FAM228B: variants seen among roughly 807,000 people sequenced by gnomAD.
FAM228B encodes the protein protein FAM228B.
In FAM228B, 38 loss-of-function variants were observed where a neutral mutation model predicts 42.6. The observed-to-expected ratio is 0.89, with a 90% CI of 0.69 to 1.17. The LOEUF (loss-of-function observed/expected upper bound fraction) is 1.17. FAM228B is among the 50% of genes most tolerant of loss of function. The probability of loss-of-function intolerance (pLI) is 0.00; values close to 1 mark genes in which losing one functional copy is unlikely to be tolerated. For synonymous variants in FAM228B, 109 were observed against 122.3 expected (o/e 0.89, Z 0.72); for missense variants, 344 against 367.3 (o/e 0.94, Z 0.52).
chr2:24,126,032 A>G (rs984655776), intron 2 of FAM228B, among the ~76,000 whole-genome samples: 6 of 152,272 alleles, frequency 3.9e-5, no homozygotes, highest in Admixed American at 2.6e-4. Context: ...GTTGAATGCT[A>G]TTCCCTTATC....
chr2:24,110,781 T>C (rs1182929269), intron 3 of FAM228B, among the ~76,000 whole-genome samples: 1 of 152,170 alleles, frequency 6.6e-6, no homozygotes, highest in East Asian at 1.9e-4. Flanking sequence ...CCCAAATCTG[T>C]AGCCAGGTCA....
In FAM228B at chr2:24,156,774, G is replaced by GCC. The variant is rs370569150; in HGVS notation, c.687-4720_687-4719dup. Among the ~76,000 whole-genome samples, 24 of 11,360 alleles carry GCC rather than the reference G, an allele frequency of 2.1e-3. No individual in the cohort carries two copies. In the East Asian group the frequency reaches 0.044, roughly 21 times the overall value. The allele number at this position is 11,360 out of a possible 152,430, so 7.5% of individuals were successfully genotyped here. On this transcript the variant is annotated intron_variant, in intron 7 of 10. Transcript: ENST00000615575. ...CAGACACTGTTATACATTTCTTTCC[G>GCC]CCCCCCCCCCCCCAGCTTTTTGTTT...
At chr2:24,149,103 A>ATTTTCTT (rs1422721476) in intron 7 of FAM228B, among the ~76,000 whole-genome samples, 1 of 152,166 alleles carries the variant, frequency 6.6e-6, no homozygotes, top group Non-Finnish European at 1.5e-5. Flanking sequence ...GTGTAAGTGC[A>ATTTTCTT]TTTTCTTTAT....
At chr2:24,106,468 C>T (rs1014399373) in intron 3 of FAM228B, among the ~76,000 whole-genome samples, 4 of 151,568 alleles carry the variant, frequency 2.6e-5, no homozygotes, top group Non-Finnish European at 2.9e-5. Context: ...TACAGGCACC[C>T]GCCACTATGA....
Position 24,082,452 on chromosome 2 carries a change from C to A in FAM228B, c.-210+1497C>A, listed in dbSNP as rs559047525. 3.6e-3 allele frequency among the ~76,000 whole-genome samples: 547 copies of A among 152,344 alleles called. 5 individuals carry two copies. Among genetic ancestry groups the A allele is most frequent in the African/African-American group, 0.013 (530 of 41,574 alleles). Reference sequence around the variant, plus strand: ...CTTCTAAACTCTATGGTCATCTGATCTTATGCATATGTTGCCTTCTCAGTT... The same window carrying A: ...CTTCTAAACTCTATGGTCATCTGATATTATGCATATGTTGCCTTCTCAGTT... On this transcript the variant is annotated intron_variant, in intron 2 of 10. Coordinates refer to the FAM228B transcript ENST00000613899.
chr2:24,135,336 A>T (rs1330675929), intron 3 of FAM228B, 149 bp downstream of exon 3: 4 of 544,224 alleles, frequency 7.3e-6, no homozygotes, highest in East Asian at 3.3e-5. Flanking sequence ...ACCTTAAGGG[A>T]TCTCTGAAAT....
chr2:24,120,549 G>GA (rs1558378709), upstream of FAM228B, among the ~76,000 whole-genome samples: 1 of 149,888 alleles, frequency 6.7e-6, no homozygotes, highest in Non-Finnish European at 1.5e-5. Context: ...ACAGAGAGCT[G>GA]ATTTTTTTTA....
At chr2:24,137,054 T>C (rs555224758) in intron 3 of FAM228B, among the ~76,000 whole-genome samples, 1 of 152,368 alleles carries the variant, frequency 6.6e-6, no homozygotes, top group African/African-American at 2.4e-5. Context: ...TTATTTCACT[T>C]TGGCATACTC....
Position 24,146,814 on chromosome 2 carries a change from A to G in FAM228B, c.508A>G (p.Thr170Ala), listed in dbSNP as rs1666905486. The G allele has an allele frequency of 6.5e-7, 1 of 1,548,912 alleles. No individual in the cohort carries two copies. The highest frequency in any genetic ancestry group is 8.7e-7 in the Non-Finnish European group (1 of 1,144,866). ...AQYDKDNEKR[T>A]LLQCETGKIY... ...ATATGACAAGGATAACGAAAAAAGAACTCTTCTTCAGTGTGAGACTGGTAC... is the reference window on the plus strand; with the variant it reads ...ATATGACAAGGATAACGAAAAAAGAGCTCTTCTTCAGTGTGAGACTGGTAC... The change falls in exon 6 of 11, where the codon ACT becomes GCT. Residue 170 changes from threonine (T) to alanine (A), a missense_variant. Transcript: ENST00000615575.
chr2:24,145,466 A>G (rs1334492224), intron 5 of FAM228B, among the ~76,000 whole-genome samples: 1 of 152,186 alleles, frequency 6.6e-6, no homozygotes, highest in African/African-American at 2.4e-5. Flanking sequence ...ACACGTCTCC[A>G]GGAAAAAGTC....
rs769883363 is a variant in FAM228B at position 24,165,818 on chromosome 2, G to A, written c.932+1483G>A. On this transcript the variant is annotated intron_variant, in intron 9 of 10. Transcript: ENST00000615575. ...GCACTTTGGGAGGCCGAGGTGGGCA[G>A]ATCACCTGAGGCTGGGAGTTTGAGA... 4.2e-4 allele frequency: 84 copies of A among 199,960 alleles called. 1 individual carries two copies. Among genetic ancestry groups the A allele is most frequent in the Admixed American group, 3.1e-4 (6 of 19,326 alleles). 12.4% of individuals were successfully genotyped at this position (199,960 alleles called of 1,614,324 possible). A position where few individuals can be genotyped will look rare whatever the true frequency, so the allele number is the denominator to read the frequency against.
intron 7 of FAM228B, among the ~76,000 whole-genome samples, chr2:24,150,376 C>G (rs1344840261): frequency 6.6e-6 from 1 of 151,772 alleles, no homozygotes; most frequent in Non-Finnish European, 1.5e-5. Flanking sequence ...CTGGATAATA[C>G]TATTCTAGGG....
intron 7 of FAM228B, among the ~76,000 whole-genome samples, chr2:24,156,266 CT>C (rs1243570294): frequency 6.6e-6 from 1 of 152,170 alleles, no homozygotes; most frequent in Non-Finnish European, 1.5e-5. Flanking sequence ...CAGGGTTCTT[CT>C]TTATTGCTCA....
At chr2:24,138,619 GCTA>G (rs1292600647) in intron 4 of FAM228B, among the ~76,000 whole-genome samples, 2 of 151,648 alleles carry the variant, frequency 1.3e-5, no homozygotes, top group East Asian at 3.9e-4. Flanking sequence ...ACAGGTGTGA[GCTA>G]CTGTGCCCAG....
chr2:24,083,248 CA>C, intron 2 of FAM228B: 1 of 1,362,744 alleles, frequency 7.3e-7, no homozygotes, highest in Non-Finnish European at 9.9e-7. Context: ...TTTTTTTTTT[CA>C]AAAATAAATT....
Position 24,095,814 on chromosome 2 carries a change from C to T in FAM228B, c.-121+585C>T, listed in dbSNP as rs1665486191. ...GACAGACTGCCTCCTTAAGTGGGTC[C>T]CTCACCCCCATGTAGCCTAACTAGG... On this transcript the variant is annotated intron_variant, in intron 3 of 10. Coordinates refer to the FAM228B transcript ENST00000613899. This position sits in a 1 kb window ranked among gnomAD's most constrained non-coding sequence, Gnocchi z 4.8. 1 of 152,306 alleles carries T rather than the reference C, an allele frequency of 6.6e-6. No homozygotes were observed. Among genetic ancestry groups the T allele is most frequent in the Non-Finnish European group, 1.5e-5 (1 of 68,120 alleles). The allele number at this position is 152,306 out of a possible 1,614,324, so 9.4% of individuals were successfully genotyped here.
Position 24,095,353 on chromosome 2 carries a change from A to G in FAM228B, c.-121+124A>G, listed in dbSNP as rs1665476003. ...AGGGGTCAGGGGATTTCCCTTTCCT[A>G]GCCAAGGGAAGCCGTGACAGACTAC... On this transcript the variant is annotated intron_variant, in intron 3 of 10. Transcript: ENST00000613899. The surrounding 1 kb of genome is among the most constrained non-coding windows in gnomAD (Gnocchi z 4.8). 6.6e-6 allele frequency: 1 copy of G among 152,206 alleles called. No homozygotes were observed. Among genetic ancestry groups the G allele is most frequent in the Non-Finnish European group, 1.5e-5 (1 of 68,058 alleles). The allele number at this position is 152,206 out of a possible 1,614,324, so 9.4% of individuals were successfully genotyped here.
In FAM228B at chr2:24,095,820, C is replaced by T. The variant is rs1452796262; in HGVS notation, c.-121+591C>T. On this transcript the variant is annotated intron_variant, in intron 3 of 10. Transcript: ENST00000613899. The surrounding 1 kb of genome is among the most constrained non-coding windows in gnomAD (Gnocchi z 4.8). ...CTGCCTCCTTAAGTGGGTCCCTCAC[C>T]CCCATGTAGCCTAACTAGGAGATAC... is the stretch of plus-strand genomic sequence containing the variant. The T allele has an allele frequency of 6.6e-6, 1 of 152,316 alleles. No homozygotes were observed. Among genetic ancestry groups the T allele is most frequent in the Non-Finnish European group, 1.5e-5 (1 of 68,128 alleles). 9.4% of individuals were successfully genotyped at this position (152,316 alleles called of 1,614,324 possible). A position where few individuals can be genotyped will look rare whatever the true frequency, so the allele number is the denominator to read the frequency against.
chr2:24,097,804 C>G (rs779987506), intron 3 of FAM228B, among the ~76,000 whole-genome samples: 2 of 152,212 alleles, frequency 1.3e-5, no homozygotes, highest in Non-Finnish European at 2.9e-5. Context: ...CTACATAACT[C>G]TCCACCCCAA....
Sources: gnomAD v4.1 joint callset for allele counts (sites outside exome capture counted in the v4.1 genomes callset) on GRCh38, gnomAD v4.1.1 for gene constraint, Gnocchi (gnomAD v3.1) non-coding constraint, MANE v1.5 for transcripts, NCBI Gene and HGNC (gene_info 2026-07-23, HGNC 2026-07-21) for gene names.